SECISBP2: variants seen among roughly 807,000 people sequenced by gnomAD.
The protein encoded by SECISBP2 is selenocysteine insertion sequence-binding protein 2.
A neutral mutation model predicts 98.2 loss-of-function variants in SECISBP2; 96 were observed. The ratio of observed to expected loss-of-function variants is 0.98; its 90% CI spans 0.83 to 1.16. SECISBP2 has a LOEUF of 1.16. SECISBP2 is among the 50% of genes most tolerant of loss of function. The pLI is 0.00. For missense variants in SECISBP2, 1,046 were observed against 1,022.9 expected (o/e 1.02, Z -0.31); for synonymous variants, 407 against 370.2 (o/e 1.10, Z -1.14).
chr9:89,357,210 G>A (rs1404420326), intron 14 of SECISBP2: 16 of 636,500 alleles, frequency 2.5e-5, no homozygotes, highest in Non-Finnish European at 3.9e-5. Flanking sequence ...AATACCAGCT[G>A]TGTGTTTTCT....
chr9:89,332,673 CT>C lies in SECISBP2; in HGVS notation c.802-232del, dbSNP rs1390530054. ...TTGTGTGGACATAAGTTTTCACCTCCTTTGGATAATTACCAAGGAGTGCAGT... is the reference window on the plus strand; with the variant it reads ...TTGTGTGGACATAAGTTTTCACCTCCTTGGATAATTACCAAGGAGTGCAGT... On this transcript the variant is annotated intron_variant, in intron 5 of 16. Coordinates refer to ENST00000375807, the MANE Select transcript of SECISBP2 (RefSeq NM_024077.5). 1.7e-5 allele frequency: 9 copies of C among 542,482 alleles called. No individual in the cohort carries two copies. The East Asian group carries it at 2.9e-4, about 17-fold the overall frequency. The allele number at this position is 542,482 out of a possible 1,614,324, so 33.6% of individuals were successfully genotyped here.
intron 5 of SECISBP2, chr9:89,329,130 T>C: frequency 2.0e-6 from 1 of 490,808 alleles, no homozygotes; most frequent in East Asian, 3.8e-5. Flanking sequence ...TGTTTTGTTT[T>C]TGAAACGGAG....
intron 8 of SECISBP2, among the ~76,000 whole-genome samples, chr9:89,339,187 G>A (rs774238205): frequency 3.9e-5 from 6 of 152,180 alleles, no homozygotes; most frequent in Non-Finnish European, 5.9e-5. Flanking sequence ...TGTGCAGGCC[G>A]AAGGCTCTCT....
intron 14 of SECISBP2, chr9:89,355,271 G>A: frequency 1.1e-5 from 11 of 985,462 alleles, no homozygotes; most frequent in Non-Finnish European, 1.3e-5. Context: ...AAGACTGGGT[G>A]AGTATCCTGT....
At position 89,349,817 on chromosome 9, in the gene SECISBP2, G is replaced by A. The variant is rs746208544; in HGVS notation, c.1780G>A (p.Glu594Lys). Residue 594 changes from glutamate to lysine, a missense_variant, in exon 13 of 17, where the codon GAG becomes AAG. By Grantham distance (56) the Glu-to-Lys change is moderately conservative. Coordinates refer to ENST00000375807, the MANE Select transcript of SECISBP2 (RefSeq NM_024077.5). ...MDELISTPSVEDKSEEPPGTE... is the reference protein window; with the variant it reads ...MDELISTPSVKDKSEEPPGTE... ...CGAACTGATCTCCACTCCTTCGGTTGAGGACAAGTCTGAAGAGCCACCAGG... is the reference window on the plus strand; with the variant it reads ...CGAACTGATCTCCACTCCTTCGGTTAAGGACAAGTCTGAAGAGCCACCAGG... The A allele has an allele frequency of 6.2e-7, 1 of 1,614,240 alleles. No homozygotes were observed. Among genetic ancestry groups the A allele is most frequent in the South Asian group, 1.1e-5 (1 of 91,084 alleles).
chr9:89,362,058 G>A (rs755393259), downstream of SECISBP2: 187 of 460,886 alleles, frequency 4.1e-4, 1 homozygote, highest in Non-Finnish European at 6.3e-4. Flanking sequence ...CTGCCTGACC[G>A]TAGAGGAGGA....
At chr9:89,333,933 A>G (rs1270585694) in intron 6 of SECISBP2, 3 of 678,920 alleles carry the variant, frequency 4.4e-6, no homozygotes, top group Non-Finnish European at 5.5e-6. Context: ...TGAGGGGAAC[A>G]GTCTGTTTTA....
chr9:89,320,373 A>C (rs929171886), intron 2 of SECISBP2, among the ~76,000 whole-genome samples: 1 of 151,850 alleles, frequency 6.6e-6, no homozygotes, highest in Admixed American at 6.6e-5. Context: ...AAAAAAAAAA[A>C]AAAAAAATCC....
downstream of SECISBP2, chr9:89,361,974 T>G: frequency 3.8e-6 from 1 of 261,456 alleles, no homozygotes. Flanking sequence ...GCTAACCCTG[T>G]TGGCTATTAG....
chr9:89,343,444 C>T (rs578179937), intron 10 of SECISBP2, among the ~76,000 whole-genome samples: 29 of 152,022 alleles, frequency 1.9e-4, no homozygotes, highest in African/African-American at 6.8e-4. Flanking sequence ...ATTATTTTGT[C>T]ACGCAGGTAC....
chr9:89,319,657 C>G lies in SECISBP2; in HGVS notation c.42C>G (p.Ile14Met). The G allele has an allele frequency of 4.3e-6, 7 of 1,614,150 alleles. No individual in the cohort carries two copies. Among genetic ancestry groups the G allele is most frequent in the Non-Finnish European group, 5.9e-6 (7 of 1,180,022 alleles). The change falls in exon 2 of 17, where the codon ATC becomes ATG. Residue 14 changes from isoleucine to methionine, a missense_variant. Transcript: ENST00000375807. ...EGPREPESEG[I>M]KLSADVKPFV... is the part of the protein sequence containing the mutation. ...AACCTCATATTTTTCCTCAGGGCAT[C>G]AAGTTATCAGCAGATGTCAAACCAT... is the stretch of plus-strand genomic sequence containing the variant.
At chr9:89,362,547 TGTG>T (rs1832857917), downstream of SECISBP2, 1 of 1,566,328 alleles carries the variant, frequency 6.4e-7, no homozygotes, top group Admixed American at 1.7e-5. Context: ...AGCCCCCTGT[TGTG>T]GTTCCCCTCC....
intron 10 of SECISBP2, among the ~76,000 whole-genome samples, chr9:89,343,532 T>C (rs1829977066): frequency 6.6e-6 from 1 of 152,194 alleles, no homozygotes; most frequent in Non-Finnish European, 1.5e-5. Flanking sequence ...TGTCTGTTGT[T>C]CCCTCCATGT....
At chr9:89,352,988 G>A (rs1299637574) in intron 14 of SECISBP2, among the ~76,000 whole-genome samples, 1 of 150,294 alleles carries the variant, frequency 6.7e-6, no homozygotes, top group Non-Finnish European at 1.5e-5. Flanking sequence ...GTTTTCCACA[G>A]ATGTCCTCTG....
Position 89,334,127 on chromosome 9 carries a change from G to A in SECISBP2, c.881-395G>A, listed in dbSNP as rs892021681. Reference sequence around the variant, plus strand: ...TGATAGCTGAAGTCTAGTGATCTTTGACTTCTGATGTTAAAGGTACACTTC... The same window carrying A: ...TGATAGCTGAAGTCTAGTGATCTTTAACTTCTGATGTTAAAGGTACACTTC... On this transcript the variant is annotated intron_variant, in intron 6 of 16. Coordinates refer to ENST00000375807, the MANE Select transcript of SECISBP2 (RefSeq NM_024077.5). 2.6e-6 allele frequency: 3 copies of A among 1,138,942 alleles called. No homozygotes were observed. In the African/African-American group the frequency reaches 4.9e-5, roughly 19 times the overall value. 70.6% of individuals were successfully genotyped at this position (1,138,942 alleles called of 1,614,324 possible).
rs200389715 is a variant in SECISBP2, at chr9:89,350,858, G to A, written c.2113+6G>A. 15 of 1,612,182 alleles carry A rather than the reference G, an allele frequency of 9.3e-6. No homozygotes were observed. The African/African-American group carries it at 1.6e-4, about 17-fold the overall frequency. On this transcript the variant is annotated splice_donor_region_variant and intron_variant, in intron 14 of 16. Transcript: ENST00000375807. ...TGAGAAGATACAGTCAAAAGGTAAA[G>A]GCACAGTGTGGTCCTGTGATATGTG... is the stretch of plus-strand genomic sequence containing the variant.
At chr9:89,319,903 TGAGA>T in intron 2 of SECISBP2, 106 bp downstream of exon 2, 1 of 1,178,922 alleles carries the variant, frequency 8.5e-7, no homozygotes, top group Admixed American at 1.7e-5. Context: ...CTGCAGATGA[TGAGA>T]GAATGCTCTT....
In SECISBP2 at chr9:89,328,838, C is replaced by T. The variant is rs139203513; in HGVS notation, c.753C>T (p.Asp251=). 3 of 1,614,256 alleles carry T rather than the reference C, an allele frequency of 1.9e-6. No individual in the cohort carries two copies. The highest frequency in any genetic ancestry group is 1.1e-5 in the South Asian group (1 of 91,088). The change falls in exon 5 of 17, where the codon GAC becomes GAT. Residue 251 remains aspartate, a synonymous_variant. Coordinates refer to ENST00000375807, the MANE Select transcript of SECISBP2 (RefSeq NM_024077.5). The part of the protein sequence containing the change: ...KWGPVHSVST[D]ISLLREVVKP... ...GACCTGTCCACTCTGTCTCTACCGACATTTCTCTTCTAAGAGAAGTAGTAA... is the reference window on the plus strand; with the variant it reads ...GACCTGTCCACTCTGTCTCTACCGATATTTCTCTTCTAAGAGAAGTAGTAA...
intron 7 of SECISBP2, among the ~76,000 whole-genome samples, chr9:89,337,648 A>T (rs980481275): frequency 3.9e-5 from 6 of 152,228 alleles, no homozygotes; most frequent in Admixed American, 3.3e-4. Flanking sequence ...GGGTCAGTAG[A>T]TAAGCATATT....
Sources: allele counts gnomAD v4.1 joint callset (sites outside exome capture counted in the v4.1 genomes callset), GRCh38; gene constraint gnomAD v4.1.1; transcripts MANE v1.5; gene names NCBI Gene and HGNC (gene_info 2026-07-23, HGNC 2026-07-21).